Variants in GRIP1 observed in about 807,000 individuals in gnomAD.
GRIP1 encodes the protein glutamate receptor interacting protein 1.
GRIP1 carries 45 observed loss-of-function variants against 129.9 expected under a neutral mutation model. The observed-to-expected ratio is 0.35, with a 90% confidence interval of 0.27 to 0.44. The LOEUF (loss-of-function observed/expected upper bound fraction) is 0.44, where lower values mean the gene tolerates loss of function less well. Ranked by LOEUF, GRIP1 falls within the 20% of genes least tolerant of loss-of-function variation. The pLI, the probability that GRIP1 is intolerant of heterozygous loss-of-function variation, is 1.00. For synonymous variants in GRIP1, 530 were observed against 520.8 expected (o/e 1.02, Z -0.24); for missense variants, 1,196 against 1,396.8 (o/e 0.86, Z 2.29).
At chr12:66,953,893 C>T (rs2041799075) in intron 1 of GRIP1, among the ~76,000 whole-genome samples, 1 of 152,148 alleles carries the variant, frequency 6.6e-6, no homozygotes, top group South Asian at 2.1e-4. Flanking sequence ...TTTCTCAGCT[C>T]CTCTAGTAAA....
At chr12:67,054,959 C>T (rs1016917088) in intron 1 of GRIP1, among the ~76,000 whole-genome samples, 1 of 152,072 alleles carries the variant, frequency 6.6e-6, no homozygotes, top group Non-Finnish European at 1.5e-5. Context: ...GCCTACTAGT[C>T]AAGTAATACG....
intron 1 of GRIP1, among the ~76,000 whole-genome samples, chr12:66,633,302 CACTAT>C (rs111238786): frequency 2.1e-5 from 3 of 145,272 alleles, no homozygotes; most frequent in Admixed American, 7.0e-5. Context: ...TACCATACTA[CACTAT>C]ACTATACTAT....
chr12:66,413,996 G>A (rs187943518), intron 15 of GRIP1, among the ~76,000 whole-genome samples: 466 of 152,130 alleles, frequency 3.1e-3, no homozygotes, highest in African/African-American at 9.8e-3. Flanking sequence ...ATATCATACC[G>A]AATGGGCAAA....
intron 1 of GRIP1, among the ~76,000 whole-genome samples, chr12:66,913,161 C>A (rs1283035505): frequency 9.2e-5 from 14 of 152,148 alleles, no homozygotes; most frequent in Non-Finnish European, 1.5e-5. Flanking sequence ...GCTTGAAACT[C>A]CAAAATACCA....
chr12:66,873,183 C>T (rs1309789014), intron 1 of GRIP1, among the ~76,000 whole-genome samples: 1 of 152,016 alleles, frequency 6.6e-6, no homozygotes, highest in Non-Finnish European at 1.5e-5. Flanking sequence ...GACACATTAC[C>T]ATTTATGACC....
intron 4 of GRIP1, among the ~76,000 whole-genome samples, chr12:66,537,693 T>C (rs1291204253): frequency 6.6e-6 from 1 of 152,176 alleles, no homozygotes; most frequent in Non-Finnish European, 1.5e-5. Flanking sequence ...ACAAACATGT[T>C]GAATTAAAAT....
intron 1 of GRIP1, among the ~76,000 whole-genome samples, chr12:66,777,162 G>A (rs866049961): frequency 1.3e-5 from 2 of 152,256 alleles, no homozygotes; most frequent in Non-Finnish European, 1.5e-5. Flanking sequence ...CAGGAGCCTT[G>A]AAAGTGCAAC....
At chr12:66,976,388 G>T (rs2042151826) in intron 1 of GRIP1, among the ~76,000 whole-genome samples, 1 of 152,064 alleles carries the variant, frequency 6.6e-6, no homozygotes, top group Non-Finnish European at 1.5e-5. Flanking sequence ...TAGAAAGCTG[G>T]TCTTTATTAT....
At chr12:66,633,016 AC>A (rs755439019) in intron 1 of GRIP1, among the ~76,000 whole-genome samples, 12 of 151,728 alleles carry the variant, frequency 7.9e-5, no homozygotes, top group Non-Finnish European at 1.5e-4. Context: ...AATATCTGTA[AC>A]TTTTTTATTT....
chr12:66,772,696 G>A (rs995891994), intron 1 of GRIP1, among the ~76,000 whole-genome samples: 6 of 152,154 alleles, frequency 3.9e-5, no homozygotes, highest in African/African-American at 1.2e-4. Flanking sequence ...AGGCTTGTGC[G>A]GAACTCTGGG....
intron 1 of GRIP1, among the ~76,000 whole-genome samples, chr12:66,860,866 T>C (rs1448378479): frequency 6.6e-6 from 1 of 152,064 alleles, no homozygotes; most frequent in Non-Finnish European, 1.5e-5. Context: ...ATGCTAGTTT[T>C]CTTTCCTTAC....
chr12:66,442,081 C>G (rs1044829810), intron 13 of GRIP1, among the ~76,000 whole-genome samples: 2 of 152,218 alleles, frequency 1.3e-5, no homozygotes, highest in Non-Finnish European at 2.9e-5. Flanking sequence ...ATTTTCCCCT[C>G]CCATGTCAGA....
intron 1 of GRIP1, among the ~76,000 whole-genome samples, chr12:66,636,525 T>C (rs1248105866): frequency 1.3e-5 from 2 of 152,138 alleles, no homozygotes; most frequent in Admixed American, 6.5e-5. Flanking sequence ...ATGGAATGAA[T>C]TGTGTCTCCC....
At chr12:66,858,296 T>C (rs931107616) in intron 1 of GRIP1, among the ~76,000 whole-genome samples, 8 of 151,952 alleles carry the variant, frequency 5.3e-5, no homozygotes, top group Admixed American at 2.6e-4. Context: ...ATATAATATA[T>C]GGCACTCTTA....
chr12:66,739,748 TAAAAA>T (rs76377499), intron 1 of GRIP1, among the ~76,000 whole-genome samples: 7 of 135,322 alleles, frequency 5.2e-5, no homozygotes, highest in African/African-American at 1.9e-4. Flanking sequence ...TAAAATAAAA[TAAAAA>T]AAAAAAAACC....
At chr12:66,687,407 T>C (rs543732786) in intron 1 of GRIP1, among the ~76,000 whole-genome samples, 3 of 152,192 alleles carry the variant, frequency 2.0e-5, no homozygotes, top group South Asian at 2.1e-4. Flanking sequence ...AGTTGAAAGA[T>C]GTCTAAGGAG....
At chr12:66,968,125 C>A (rs1010635816) in intron 1 of GRIP1, among the ~76,000 whole-genome samples, 2 of 152,104 alleles carry the variant, frequency 1.3e-5, no homozygotes, top group African/African-American at 4.8e-5. Flanking sequence ...TATTCTGATT[C>A]TCTGTTGTTT....
At position 66,420,809 on chromosome 12, in the gene GRIP1, A is replaced by T. The variant is rs2057779530; in HGVS notation, c.1769-20T>A. On this transcript the variant is annotated intron_variant, in intron 14 of 24. Transcript: ENST00000359742. ...ATGGTGCTGTAATAATGGAGATAGA[A>T]TAATCACATCTTTATATCCATTATT... The T allele has an allele frequency of 1.5e-6, 2 of 1,345,906 alleles. No homozygotes were observed. The highest frequency in any genetic ancestry group is 1.8e-4 in the Middle Eastern group (1 of 5,546). The allele number at this position is 1,345,906 out of a possible 1,614,324, so 83.4% of individuals were successfully genotyped here. A position where few individuals can be genotyped will look rare whatever the true frequency, so the allele number is the denominator to read the frequency against.
chr12:66,425,459 C>A (rs1592835892), intron 14 of GRIP1, among the ~76,000 whole-genome samples: 2 of 152,160 alleles, frequency 1.3e-5, no homozygotes, highest in South Asian at 4.1e-4. Context: ...TTGACCCAGC[C>A]ATCCCATTAC....
Sources: allele counts gnomAD v4.1 joint callset (sites outside exome capture counted in the v4.1 genomes callset), GRCh38; gene constraint gnomAD v4.1.1; transcripts MANE v1.5; gene names NCBI Gene and HGNC (gene_info 2026-07-23, HGNC 2026-07-21).